Variants in FBXL17 observed in about 807,000 individuals in gnomAD.
FBXL17 encodes F-box/LRR-repeat protein 17.
A neutral mutation model predicts 66.2 loss-of-function variants in FBXL17; 22 were observed. The observed-to-expected ratio is 0.33, with a 90% CI of 0.24 to 0.47. The LOEUF is 0.47. Among genes scored for constraint, FBXL17 ranks in the 20% least tolerant of loss-of-function variants. FBXL17 has a pLI of 1.00. For missense variants in FBXL17, 878 were observed against 948.2 expected, an observed-to-expected ratio of 0.93 and a Z score of 0.97; for synonymous variants, 474 against 400.5, an observed-to-expected ratio of 1.18 and a Z score of -2.19.
At chr5:108,025,558 A>G (rs902803673) in intron 6 of FBXL17, among the ~76,000 whole-genome samples, 1 of 152,028 alleles carries the variant, frequency 6.6e-6, no homozygotes, top group African/African-American at 2.4e-5. Context: ...CATAAAAGTG[A>G]TCTATTTGGG....
chr5:107,867,590 A>C (rs950931698), intron 8 of FBXL17, among the ~76,000 whole-genome samples: 21 of 152,242 alleles, frequency 1.4e-4, no homozygotes, highest in African/African-American at 4.8e-4. Context: ...AAATTTTGTG[A>C]CATTTAAGCT....
At chr5:108,341,100 G>A (rs766529775) in intron 4 of FBXL17, among the ~76,000 whole-genome samples, 10 of 152,110 alleles carry the variant, frequency 6.6e-5, no homozygotes, top group African/African-American at 2.4e-4. Context: ...TAGAAGCAAT[G>A]TAAGTGTCCT....
intron 6 of FBXL17, among the ~76,000 whole-genome samples, chr5:108,047,293 G>A (rs1319174194): frequency 6.6e-6 from 1 of 152,230 alleles, no homozygotes; most frequent in East Asian, 1.9e-4. Flanking sequence ...CTTTCCGCAT[G>A]GAACTGTGCA....
intron 3 of FBXL17, among the ~76,000 whole-genome samples, chr5:108,362,194 A>G (rs995857771): frequency 1.3e-5 from 2 of 152,198 alleles, no homozygotes; most frequent in African/African-American, 4.8e-5. Flanking sequence ...AATTGATAGC[A>G]TAGCCAGATC....
At chr5:108,234,329 G>A (rs1755500876) in intron 4 of FBXL17, among the ~76,000 whole-genome samples, 1 of 152,162 alleles carries the variant, frequency 6.6e-6, no homozygotes, top group South Asian at 2.1e-4. Context: ...GCCCAGCTAA[G>A]TCCTCTCTAT....
intron 7 of FBXL17, among the ~76,000 whole-genome samples, chr5:107,920,004 A>AGGG (rs1323714987): frequency 6.6e-6 from 1 of 152,206 alleles, no homozygotes; most frequent in African/African-American, 2.4e-5. Flanking sequence ...CAACCAAGCA[A>AGGG]CCTTCTAAGA....
chr5:108,038,657 T>C (rs575860283), intron 6 of FBXL17, among the ~76,000 whole-genome samples: 6 of 152,204 alleles, frequency 3.9e-5, no homozygotes, highest in South Asian at 4.1e-4. Flanking sequence ...AATGAATAAA[T>C]ATGAACACAA....
chr5:108,335,337 A>G (rs942049821), intron 4 of FBXL17, among the ~76,000 whole-genome samples: 1 of 150,362 alleles, frequency 6.7e-6, no homozygotes, highest in African/African-American at 2.4e-5. Context: ...TTAAGACAGT[A>G]TCTTTAAAAA....
intron 7 of FBXL17, among the ~76,000 whole-genome samples, chr5:107,932,872 C>T (rs1750777483): frequency 7.9e-6 from 1 of 126,810 alleles, no homozygotes; most frequent in Admixed American, 7.9e-5. Flanking sequence ...CTAAGAAATA[C>T]ATAAGATGTC....
At chr5:107,976,943 C>T (rs953456661) in intron 7 of FBXL17, among the ~76,000 whole-genome samples, 4 of 152,170 alleles carry the variant, frequency 2.6e-5, no homozygotes, top group South Asian at 2.1e-4. Context: ...CTTTCACTCC[C>T]TTCTCTCTTT....
intron 7 of FBXL17, among the ~76,000 whole-genome samples, chr5:108,009,048 A>T (rs556781820): frequency 6.6e-6 from 1 of 150,940 alleles, no homozygotes; most frequent in African/African-American, 2.4e-5. Flanking sequence ...ATGATTAAAA[A>T]TACACAAGTA....
chr5:107,871,069 A>AAAAAAACAAAAAC (rs1554080845), intron 8 of FBXL17, among the ~76,000 whole-genome samples: 2 of 130,174 alleles, frequency 1.5e-5, no homozygotes, highest in African/African-American at 6.4e-5. Context: ...AAAAAAAAAA[A>AAAAAAACAAAAAC]AAAAAAAAAA....
chr5:108,145,124 A>G (rs1751505119), intron 6 of FBXL17, among the ~76,000 whole-genome samples: 1 of 152,174 alleles, frequency 6.6e-6, no homozygotes, highest in African/African-American at 2.4e-5. Flanking sequence ...AATTTTCCAT[A>G]TACTTTGATA....
At chr5:108,022,833 G>C (rs1052186431) in intron 6 of FBXL17, among the ~76,000 whole-genome samples, 2 of 152,118 alleles carry the variant, frequency 1.3e-5, no homozygotes, top group South Asian at 4.1e-4. Context: ...TAAGCAACAA[G>C]AACCAACATT....
In FBXL17 at chr5:108,359,893, G is replaced by C. The variant is rs1748234566; in HGVS notation, c.1374+4845C>G. The stretch of plus-strand genomic sequence containing the variant: ...TCATTATTGAAAGTGAATTACTTAA[G>C]TCTCAAATGATTAATGTACAACTGT... On this transcript the variant is annotated intron_variant, in intron 3 of 8. Transcript: ENST00000542267. Among the ~76,000 whole-genome samples the C allele has an allele frequency of 2.6e-5, 4 of 152,040 alleles. No individual in the cohort carries two copies. The South Asian group carries it at 8.3e-4, about 32-fold the overall frequency.
chr5:108,205,853 C>CA (rs1267043020), intron 5 of FBXL17, among the ~76,000 whole-genome samples: 2 of 152,082 alleles, frequency 1.3e-5, no homozygotes, highest in Admixed American at 1.3e-4. Context: ...TCTTGTGCCT[C>CA]AGCCTTCCGA....
chr5:107,997,272 G>T (rs1198551516), intron 7 of FBXL17, among the ~76,000 whole-genome samples: 1 of 152,154 alleles, frequency 6.6e-6, no homozygotes, highest in Non-Finnish European at 1.5e-5. Context: ...GATATTGAAG[G>T]TTGATAACTG....
chr5:107,931,781 A>G (rs1345067309), intron 7 of FBXL17, among the ~76,000 whole-genome samples: 1 of 152,004 alleles, frequency 6.6e-6, no homozygotes, highest in Non-Finnish European at 1.5e-5. Context: ...ACATATTCAC[A>G]TTTTATATTC....
At chr5:108,135,108 G>C (rs1331759168) in intron 6 of FBXL17, among the ~76,000 whole-genome samples, 1 of 152,030 alleles carries the variant, frequency 6.6e-6, no homozygotes, top group Non-Finnish European at 1.5e-5. Context: ...AGGGATCTGG[G>C]GACATCAATC....
Sources: allele counts gnomAD v4.1 joint callset (sites outside exome capture counted in the v4.1 genomes callset), GRCh38; gene constraint gnomAD v4.1.1; transcripts MANE v1.5; gene names NCBI Gene and HGNC (gene_info 2026-07-23, HGNC 2026-07-21).